Variants in IRF8 observed in about 807,000 individuals in gnomAD.
IRF8 encodes the protein interferon consensus sequence binding protein 1.
In IRF8, 14 loss-of-function variants were observed where a neutral mutation model predicts 48.7. That is an observed-to-expected ratio of 0.29 (90% confidence interval 0.19 to 0.45). The LOEUF (loss-of-function observed/expected upper bound fraction) is 0.45. IRF8 is among the 20% of genes least tolerant of loss of function. IRF8 has a pLI of 1.00. For synonymous variants in IRF8, 278 were observed against 227.3 expected (o/e 1.22, Z -2.01); for missense variants, 493 against 580.7 (o/e 0.85, Z 1.55).
intron 2 of IRF8, among the ~76,000 whole-genome samples, chr16:85,906,116 A>G (rs1904994191): frequency 6.6e-6 from 1 of 152,252 alleles, no homozygotes; most frequent in Admixed American, 6.5e-5. Flanking sequence ...GCATCGTAAC[A>G]GTCCTGAATG....
At chr16:85,909,948 C>A (rs886583062) in intron 3 of IRF8, 4 of 152,266 alleles carry the variant, frequency 2.6e-5, no homozygotes, top group African/African-American at 9.7e-5. Context: ...TTTAGAATAA[C>A]CCACTCTGGC....
intron 1 of IRF8, among the ~76,000 whole-genome samples, chr16:85,900,312 A>G (rs1904790252): frequency 3.3e-5 from 5 of 152,208 alleles, no homozygotes. Flanking sequence ...TGCTGTATAC[A>G]TTTCTAGGGC....
At position 85,921,541 on chromosome 16, in the gene IRF8, G is replaced by A. The variant is rs770818520; in HGVS notation, c.*259G>A. The A allele has an allele frequency of 2.2e-4, 111 of 496,456 alleles. No homozygotes were observed. The highest frequency in any genetic ancestry group is 3.2e-4 in the Non-Finnish European group (87 of 272,898). 30.8% of individuals were successfully genotyped at this position (496,456 alleles called of 1,614,324 possible). On this transcript the variant is annotated 3_prime_UTR_variant, in exon 9 of 9. Transcript: ENST00000268638. ...AAATTTTATTTTCTATCCTTTACCCGTCATTATCATTAGTTGCTATGATTC... is the reference window on the plus strand; with the variant it reads ...AAATTTTATTTTCTATCCTTTACCCATCATTATCATTAGTTGCTATGATTC...
chr16:85,911,957 A>G lies in IRF8; in HGVS notation c.447+299A>G, dbSNP rs903512328. Reference sequence around the variant, plus strand: ...CCTTCCAGCTCCAAACTGTTCGAACACTTTGGACAGCAGTCTTTTAAATGG... The same window carrying G: ...CCTTCCAGCTCCAAACTGTTCGAACGCTTTGGACAGCAGTCTTTTAAATGG... On this transcript the variant is annotated intron_variant, in intron 4 of 8. Coordinates refer to ENST00000268638, the MANE Select transcript of IRF8 (RefSeq NM_002163.4). Among the ~76,000 whole-genome samples the G allele has an allele frequency of 9.9e-5, 15 of 152,238 alleles. 1 individual carries two copies. The South Asian group carries it at 2.5e-3, about 25-fold the overall frequency.
At chr16:85,903,400 G>T in intron 2 of IRF8, 1 of 581,376 alleles carries the variant, frequency 1.7e-6, no homozygotes, top group South Asian at 2.0e-5. Flanking sequence ...TTTTGTGGTC[G>T]CTTGTATTCT....
intron 3 of IRF8, chr16:85,910,028 G>T (rs1905101543): frequency 6.6e-6 from 1 of 152,212 alleles, no homozygotes; most frequent in Admixed American, 6.5e-5. Context: ...AACTTCTTGG[G>T]GCTGTGCAGA....
intron 6 of IRF8, among the ~76,000 whole-genome samples, chr16:85,917,908 C>G (rs1313335403): frequency 1.3e-5 from 2 of 152,210 alleles, no homozygotes; most frequent in South Asian, 2.1e-4. Context: ...GATTCTTAAT[C>G]TGAAATCCAG....
At chr16:85,899,912 C>T (rs567245825) in intron 1 of IRF8, among the ~76,000 whole-genome samples, 1 of 152,284 alleles carries the variant, frequency 6.6e-6, no homozygotes, top group African/African-American at 2.4e-5. Flanking sequence ...CTGTGAAAGG[C>T]TTTACGGATG....
At chr16:85,902,939 G>C (rs988442988) in intron 1 of IRF8, 76 bp from the exon 2 acceptor site, 11 of 1,525,380 alleles carry the variant, frequency 7.2e-6, no homozygotes, top group African/African-American at 4.1e-5. Context: ...TGAGTTTCCT[G>C]TTAGCAGTTT....
At position 85,918,793 on chromosome 16, in the gene IRF8, G is replaced by A; in HGVS notation, c.978G>A (p.Gln326=). ...DEVVQVFDTS[Q]FFRELQQFYN... ...TGGTCCAGGTCTTCGACACCAGCCA[G>A]TTCTTCCGAGGTCTGTACCGTCGTC... is the stretch of plus-strand genomic sequence containing the variant. The change falls in exon 7 of 9, where the codon CAG becomes CAA. Residue 326 remains glutamine, a synonymous_variant. Transcript: ENST00000268638. 6.2e-7 allele frequency: 1 copy of A among 1,608,782 alleles called. No homozygotes were observed. The highest frequency in any genetic ancestry group is 1.3e-5 in the African/African-American group (1 of 75,078).
At position 85,921,161 on chromosome 16, in the gene IRF8, C is replaced by A; in HGVS notation, c.1160C>A (p.Ala387Asp). Residue 387 changes from alanine to aspartate, a missense_variant, in exon 9 of 9, where the codon GCC (alanine) becomes GAC (aspartate). By Grantham distance (126) the Ala-to-Asp change is moderately radical (BLOSUM62 -2). Transcript: ENST00000268638. ...GAAGAGGCTGGGAAGAGCTGTGGAG[C>A]CGGCTCTGTGATGCAGGCCCCCGAG... ...LAEEAGKSCG[A>D]GSVMQAPEEP... 3 of 1,614,138 alleles carry A rather than the reference C, an allele frequency of 1.9e-6. No individual in the cohort carries two copies. Among genetic ancestry groups the A allele is most frequent in the Middle Eastern group, 1.7e-4 (1 of 6,058 alleles).
chr16:85,914,118 T>TC (rs1905225862), intron 5 of IRF8: 3 of 340,832 alleles, frequency 8.8e-6, no homozygotes, highest in Non-Finnish European at 1.1e-5. Context: ...CCCCAGGCTC[T>TC]CCCCCAGAGA....
Position 85,899,190 on chromosome 16 carries a change from C to G in IRF8, c.-35C>G, listed in dbSNP as rs1265542894. 1 of 152,240 alleles carries G rather than the reference C, an allele frequency of 6.6e-6. No individual in the cohort carries two copies. Among genetic ancestry groups the G allele is most frequent in the African/African-American group, 2.4e-5 (1 of 41,442 alleles). The allele number at this position is 152,240 out of a possible 1,614,324, so 9.4% of individuals were successfully genotyped here. On this transcript the variant is annotated 5_prime_UTR_variant, in exon 1 of 9. Transcript: ENST00000268638. ...TGGAGCGCGGCAGCAAGCGTGGGAA[C>G]GCGGGCGGCGAGACGGCGGCAGGAC...
At chr16:85,906,743 A>G (rs1370694622) in intron 2 of IRF8, among the ~76,000 whole-genome samples, 1 of 151,916 alleles carries the variant, frequency 6.6e-6, no homozygotes, top group Non-Finnish European at 1.5e-5. Flanking sequence ...CAGGTGGGGG[A>G]GGTATCATGA....
At chr16:85,915,394 G>C (rs542828036) in intron 6 of IRF8, among the ~76,000 whole-genome samples, 1 of 152,270 alleles carries the variant, frequency 6.6e-6, no homozygotes, top group Non-Finnish European at 1.5e-5. Flanking sequence ...GGATAGAAGC[G>C]TGCTGGCTGA....
chr16:85,904,678 C>T (rs1451951013), intron 2 of IRF8, among the ~76,000 whole-genome samples: 2 of 152,062 alleles, frequency 1.3e-5, no homozygotes, highest in African/African-American at 4.8e-5. Context: ...CCTTGGTGCC[C>T]CCACACGTTC....
chr16:85,907,809 G>T (rs1173058120), intron 2 of IRF8, among the ~76,000 whole-genome samples: 1 of 152,266 alleles, frequency 6.6e-6, no homozygotes, highest in African/African-American at 2.4e-5. Context: ...AGCTTCCCAG[G>T]GGCAGGGGGT....
At chr16:85,902,838 A>T in intron 1 of IRF8, 177 bp from the exon 2 acceptor site, 1 of 699,868 alleles carries the variant, frequency 1.4e-6, no homozygotes, top group Non-Finnish European at 2.5e-6. Context: ...CTGTGAGGTC[A>T]TGGAGGCCAG....
In IRF8 at chr16:85,920,024, C is replaced by T. The variant is rs575948167; in HGVS notation, c.989-85C>T. The T allele has an allele frequency of 4.4e-5, 44 of 992,552 alleles. No homozygotes were observed. The African/African-American group carries it at 6.7e-4, about 15-fold the overall frequency. 61.5% of individuals were successfully genotyped at this position (992,552 alleles called of 1,614,324 possible). Reference sequence around the variant, plus strand: ...GGCCTAAATGCTACAAGCCCTGGGCCTCCTGATCCCCCAGCCCTGCTGCTG... The same window carrying T: ...GGCCTAAATGCTACAAGCCCTGGGCTTCCTGATCCCCCAGCCCTGCTGCTG... On this transcript the variant is annotated intron_variant, in intron 7 of 8. Coordinates refer to ENST00000268638, the MANE Select transcript of IRF8 (RefSeq NM_002163.4).
Sources: gnomAD v4.1 joint callset for allele counts (sites outside exome capture counted in the v4.1 genomes callset) on GRCh38, gnomAD v4.1.1 for gene constraint, MANE v1.5 for transcripts, NCBI Gene and HGNC (gene_info 2026-07-23, HGNC 2026-07-21) for gene names.